ZFHX4: variants seen among roughly 807,000 people sequenced by gnomAD.
ZFHX4 encodes the protein zinc finger homeobox 4.
In ZFHX4, 56 loss-of-function variants were observed where a neutral mutation model predicts 267.6. The ratio of observed to expected loss-of-function variants is 0.21; its 90% CI spans 0.17 to 0.26. ZFHX4 has a LOEUF of 0.26. Ranked by LOEUF, ZFHX4 falls within the 10% of genes least tolerant of loss-of-function variation. ZFHX4 has a pLI of 1.00. For synonymous variants in ZFHX4, 1,778 were observed against 1,665.6 expected (o/e 1.07, Z -1.64); for missense variants, 4,332 against 4,420.0 (o/e 0.98, Z 0.56).
chr8:76,760,413 G>A (rs893619737), intron 3 of ZFHX4, among the ~76,000 whole-genome samples: 1 of 152,128 alleles, frequency 6.6e-6, no homozygotes, highest in African/African-American at 2.4e-5. Flanking sequence ...ATACAGGGTC[G>A]AACAGACAGA....
Position 76,864,432 on chromosome 8 carries a change from G to A in ZFHX4, c.10718G>A (p.Cys3573Tyr), listed in dbSNP as rs770222140. Residue 3573 changes from cysteine to tyrosine, a missense_variant, in exon 11 of 11, where the codon TGT (cysteine) becomes TAT (tyrosine). Coordinates refer to ENST00000651372, the MANE Select transcript of ZFHX4 (RefSeq NM_024721.5). ...CAAACCTCACTACCCACAGAAAGTT[G>A]TTCAGATGAGTCTGACAGTGAGCTG... Reference protein sequence around the residue: ...GVQTSLPTESCSDESDSELSQ... With the variant: ...GVQTSLPTESYSDESDSELSQ... 6.8e-6 allele frequency: 11 copies of A among 1,613,640 alleles called. No homozygotes were observed. Among genetic ancestry groups the A allele is most frequent in the Non-Finnish European group, 9.3e-6 (11 of 1,179,782 alleles).
chr8:76,732,106 T>G (rs1345409451), intron 3 of ZFHX4, among the ~76,000 whole-genome samples: 1 of 151,972 alleles, frequency 6.6e-6, no homozygotes, highest in Non-Finnish European at 1.5e-5. Flanking sequence ...CCTCTCAAAG[T>G]GCTGGGATTA....
At chr8:76,797,769 A>C (rs534112478) in intron 4 of ZFHX4, among the ~76,000 whole-genome samples, 2 of 152,246 alleles carry the variant, frequency 1.3e-5, no homozygotes, top group Non-Finnish European at 2.9e-5. Context: ...ATTCAAGCTC[A>C]ATACTGTGGT....
chr8:76,767,239 G>A (rs1810075705), intron 3 of ZFHX4, among the ~76,000 whole-genome samples: 1 of 152,086 alleles, frequency 6.6e-6, no homozygotes, highest in Non-Finnish European at 1.5e-5. Context: ...GATTGAGATA[G>A]GTGGTATAAA....
At chr8:76,814,480 TG>T (rs1811453436) in intron 4 of ZFHX4, among the ~76,000 whole-genome samples, 1 of 152,150 alleles carries the variant, frequency 6.6e-6, no homozygotes, top group Non-Finnish European at 1.5e-5. Context: ...TTCTTGTAAT[TG>T]TCTACAAAAT....
chr8:76,795,141 G>A (rs554948605), intron 4 of ZFHX4, among the ~76,000 whole-genome samples: 72 of 152,230 alleles, frequency 4.7e-4, no homozygotes, highest in African/African-American at 1.7e-3. Context: ...GGTAACAGAA[G>A]AACAAATGAT....
At position 76,864,411 on chromosome 8, in the gene ZFHX4, C is replaced by T; in HGVS notation, c.10697C>T (p.Thr3566Ile). ...SSLCSTSGVQTSLPTESCSDE... is the reference protein window; with the variant it reads ...SSLCSTSGVQISLPTESCSDE... ...TTGTGCAGCACCTCAGGGGTTCAAA[C>T]CTCACTACCCACAGAAAGTTGTTCA... The change falls in exon 11 of 11, where the codon ACC becomes ATC. Residue 3566 changes from threonine to isoleucine, a missense_variant. Physicochemically the swap from Thr to Ile is moderately conservative, Grantham distance 89. Transcript: ENST00000651372. 2 of 1,613,768 alleles carry T rather than the reference C, an allele frequency of 1.2e-6. No individual in the cohort carries two copies. Among genetic ancestry groups the T allele is most frequent in the Non-Finnish European group, 1.7e-6 (2 of 1,179,846 alleles).
Position 76,782,741 on chromosome 8 carries a change from A to G in ZFHX4, c.3325+4302A>G, listed in dbSNP as rs553129514. Among the ~76,000 whole-genome samples the G allele has an allele frequency of 4.6e-5, 7 of 152,144 alleles. No individual in the cohort carries two copies. In the South Asian group the frequency reaches 1.2e-3, roughly 27 times the overall value. ...CCATTATCCGAAAGACCATCTGTTT[A>G]TGAAAATAGTTAATTTCACATCACT... On this transcript the variant is annotated intron_variant, in intron 4 of 10. Coordinates refer to ENST00000651372, the MANE Select transcript of ZFHX4 (RefSeq NM_024721.5).
intron 4 of ZFHX4, among the ~76,000 whole-genome samples, chr8:76,793,376 T>A (rs1481526017): frequency 6.6e-6 from 1 of 152,206 alleles, no homozygotes. Flanking sequence ...AAATAATTTT[T>A]AAGCAGATTT....
In ZFHX4 at chr8:76,833,214, C is replaced by T. The variant is rs976434082; in HGVS notation, c.3326-124C>T. 1.5e-5 allele frequency: 10 copies of T among 677,226 alleles called. No individual in the cohort carries two copies. The African/African-American group carries it at 1.6e-4, about 11-fold the overall frequency. The allele number at this position is 677,226 out of a possible 1,614,324, so 42.0% of individuals were successfully genotyped here. ...TAGGATATAATGTGTGCTGGAGACT[C>T]ACCTGAGCTTCACCTGATACTTATC... is the stretch of plus-strand genomic sequence containing the variant. On this transcript the variant is annotated intron_variant, in intron 4 of 10. Coordinates refer to ENST00000651372, the MANE Select transcript of ZFHX4 (RefSeq NM_024721.5).
At chr8:76,691,926 C>G (rs923550875) in intron 1 of ZFHX4, among the ~76,000 whole-genome samples, 1 of 152,060 alleles carries the variant, frequency 6.6e-6, no homozygotes, top group African/African-American at 2.4e-5. Context: ...TTTCCCCTCT[C>G]TCCTACAAGA....
At chr8:76,796,324 T>A (rs1347600776) in intron 4 of ZFHX4, among the ~76,000 whole-genome samples, 1 of 152,200 alleles carries the variant, frequency 6.6e-6, no homozygotes, top group Non-Finnish European at 1.5e-5. Flanking sequence ...CTGATTTCTA[T>A]AGAATATGTA....
At chr8:76,824,835 T>C (rs1811743239) in intron 4 of ZFHX4, among the ~76,000 whole-genome samples, 1 of 152,112 alleles carries the variant, frequency 6.6e-6, no homozygotes, top group Non-Finnish European at 1.5e-5. Flanking sequence ...CCTCCCAAAG[T>C]GCTGGGATTA....
At chr8:76,833,484 T>A in intron 5 of ZFHX4, 78 bp downstream of exon 5, 1 of 1,140,948 alleles carries the variant, frequency 8.8e-7, no homozygotes, top group Non-Finnish European at 1.3e-6. Flanking sequence ...ATTGATGGAA[T>A]AAACATTCTC....
chr8:76,860,483 T>G (rs902122797), intron 10 of ZFHX4, among the ~76,000 whole-genome samples: 2 of 152,114 alleles, frequency 1.3e-5, no homozygotes, highest in Non-Finnish European at 2.9e-5. Flanking sequence ...ACAATTGCTA[T>G]TTTTTCATGT....
intron 3 of ZFHX4, among the ~76,000 whole-genome samples, chr8:76,776,800 A>T (rs1443403595): frequency 6.6e-6 from 1 of 152,164 alleles, no homozygotes; most frequent in Non-Finnish European, 1.5e-5. Context: ...TTTTTTAAAA[A>T]ATACTAAAAG....
At chr8:76,823,939 A>G (rs1811720217) in intron 4 of ZFHX4, among the ~76,000 whole-genome samples, 1 of 152,214 alleles carries the variant, frequency 6.6e-6, no homozygotes, top group Non-Finnish European at 1.5e-5. Context: ...TTTAGGAAGT[A>G]TAGTAGCAAG....
intron 1 of ZFHX4, among the ~76,000 whole-genome samples, chr8:76,688,859 T>C (rs1352075534): frequency 1.3e-5 from 2 of 152,180 alleles, no homozygotes; most frequent in Non-Finnish European, 2.9e-5. Flanking sequence ...ACTTGTTTGT[T>C]GCTAGATTTT....
In ZFHX4 at chr8:76,864,250, T is replaced by A; in HGVS notation, c.10536T>A (p.Asn3512Lys). 1 of 1,613,914 alleles carries A rather than the reference T, an allele frequency of 6.2e-7. No individual in the cohort carries two copies. The highest frequency in any genetic ancestry group is 1.3e-5 in the African/African-American group (1 of 75,058). Residue 3512 changes from asparagine to lysine, a missense_variant, in exon 11 of 11, where the codon AAT becomes AAA. By Grantham distance (94) the Asn-to-Lys change is moderately conservative (BLOSUM62 0). Around this residue, in one of 7 missense-constraint regions of ZFHX4, gnomAD observed 1,648 missense variants for 1,625.0 expected, o/e 1.01. Transcript: ENST00000651372. ...TSTSQSAASS[N>K]NTYPHLSCFS... ...CCTCGCAGTCTGCAGCTTCTTCTAA[T>A]AACACCTATCCTCATCTTTCTTGCT...
Sources: allele counts gnomAD v4.1 joint callset (sites outside exome capture counted in the v4.1 genomes callset), GRCh38; gene constraint gnomAD v4.1.1; regional missense constraint gnomAD v4.1.1; transcripts MANE v1.5; gene names NCBI Gene and HGNC (gene_info 2026-07-23, HGNC 2026-07-21).